The following ABCA13 variants were observed in gnomAD, a reference collection of about 807,000 sequenced individuals.
ABCA13 encodes ATP binding cassette subfamily A member 13.
A neutral mutation model predicts 478.7 loss-of-function variants in ABCA13; 476 were observed. That is an observed-to-expected ratio of 0.99 (90% CI 0.92 to 1.07). The LOEUF (loss-of-function observed/expected upper bound fraction) is 1.07. ABCA13 is among the 50% of genes least tolerant of loss of function. ABCA13 has a pLI of 0.00. For missense variants in ABCA13, 6,060 were observed against 5,910.6 expected (o/e 1.03, Z -0.83); for synonymous variants, 2,252 against 2,158.9 (o/e 1.04, Z -1.20).
rs529676212 is a variant in ABCA13, at chr7:48,513,525, C to T, written c.13640+2326C>T. 3.9e-5 allele frequency among the ~76,000 whole-genome samples: 6 copies of T among 152,146 alleles called. 1 individual carries two copies. In the South Asian group the frequency reaches 8.3e-4, roughly 21 times the overall value. On this transcript the variant is annotated intron_variant, in intron 51 of 61. Transcript: ENST00000435803. ...AAGAACATATTTGATGTATATTTAC[C>T]GCTAAAAGATGAGATTGCAGAATCC...
chr7:48,500,280 T>C (rs2130804670), intron 48 of ABCA13, among the ~76,000 whole-genome samples: 1 of 152,300 alleles, frequency 6.6e-6, no homozygotes, highest in Non-Finnish European at 1.5e-5. Flanking sequence ...AGGGGTATCA[T>C]GGGAAGGTGC....
intron 10 of ABCA13, chr7:48,243,006 C>T (rs1791088157): frequency 1.3e-5 from 2 of 152,414 alleles, no homozygotes; most frequent in East Asian, 1.9e-4. Flanking sequence ...TGGTTCCTGC[C>T]CACGTCCCTG....
intron 46 of ABCA13, 123 bp downstream of exon 46, chr7:48,481,277 T>G: frequency 1.3e-6 from 1 of 766,380 alleles, no homozygotes; most frequent in Non-Finnish European, 2.2e-6. Flanking sequence ...TCATAAAAAT[T>G]CCACAGTGTG....
chr7:48,221,528 G>A (rs1787362976), intron 5 of ABCA13, among the ~76,000 whole-genome samples: 1 of 152,250 alleles, frequency 6.6e-6, no homozygotes, highest in Admixed American at 6.5e-5. Flanking sequence ...GAAAAGCAGA[G>A]GTGAAACCTG....
At position 48,245,861 on chromosome 7, in the gene ABCA13, A is replaced by G; in HGVS notation, c.1492-2A>G. 6.2e-7 allele frequency: 1 copy of G among 1,610,048 alleles called. No individual in the cohort carries two copies. Among genetic ancestry groups the G allele is most frequent in the Non-Finnish European group, 8.5e-7 (1 of 1,177,968 alleles). On this transcript the variant is annotated splice_acceptor_variant, in intron 12 of 61. Coordinates refer to ENST00000435803, the MANE Select transcript of ABCA13 (RefSeq NM_152701.5). LOFTEE classifies it high-confidence loss of function. ...TCCTTCCCACTCTTATTAATCTTTT[A>G]GATGTTGGCGAAGAATGCTGTCTGC...
At position 48,244,204 on chromosome 7, in the gene ABCA13, T is replaced by G. The variant is rs565612490; in HGVS notation, c.1263-372T>G. ...GTCCTGTATACCATCACACACCATC[T>G]CTATATTTTGAAACTTTTCTCAAAA... On this transcript the variant is annotated intron_variant, in intron 10 of 61. Coordinates refer to ENST00000435803, the MANE Select transcript of ABCA13 (RefSeq NM_152701.5). Among the ~76,000 whole-genome samples, 234 of 152,346 alleles carry G rather than the reference T, an allele frequency of 1.5e-3. 2 individuals are homozygous for G. Among genetic ancestry groups the G allele is most frequent in the South Asian group, 0.01 (49 of 4,828 alleles).
intron 54 of ABCA13, among the ~76,000 whole-genome samples, chr7:48,527,018 G>C (rs552371562): frequency 5.9e-5 from 9 of 152,268 alleles, no homozygotes; most frequent in African/African-American, 1.7e-4. Flanking sequence ...AGAACTGAAA[G>C]GTGCATGAGT....
intron 41 of ABCA13, among the ~76,000 whole-genome samples, chr7:48,422,732 G>A (rs547282641): frequency 1.3e-5 from 2 of 152,330 alleles, no homozygotes; most frequent in East Asian, 3.9e-4. Flanking sequence ...TATCACTGAA[G>A]CCTGTAAGTG....
chr7:48,210,440 T>C (rs1042890591), intron 3 of ABCA13, among the ~76,000 whole-genome samples: 27 of 152,206 alleles, frequency 1.8e-4, no homozygotes, highest in Admixed American at 1.6e-3. Flanking sequence ...AAGTTTTTTT[T>C]CTTTTTTTAA....
intron 55 of ABCA13, among the ~76,000 whole-genome samples, chr7:48,571,398 A>C (rs1490288727): frequency 6.6e-6 from 1 of 152,014 alleles, no homozygotes; most frequent in African/African-American, 2.4e-5. Flanking sequence ...GTTTTTGTTG[A>C]GCTGTGAATA....
At chr7:48,640,152 A>G (rs1200038596) in intron 59 of ABCA13, among the ~76,000 whole-genome samples, 1 of 152,154 alleles carries the variant, frequency 6.6e-6, no homozygotes, top group Non-Finnish European at 1.5e-5. Flanking sequence ...TTCATTAAAT[A>G]TTATTTGTAG....
At chr7:48,619,291 C>T (rs531129864) in intron 59 of ABCA13, among the ~76,000 whole-genome samples, 15 of 151,602 alleles carry the variant, frequency 9.9e-5, no homozygotes, top group South Asian at 4.2e-4. Context: ...TCTCTGTGAC[C>T]GGTCTGTACC....
At chr7:48,603,303 G>T (rs1791106210) in intron 58 of ABCA13, among the ~76,000 whole-genome samples, 1 of 152,172 alleles carries the variant, frequency 6.6e-6, no homozygotes, top group African/African-American at 2.4e-5. Context: ...TCCTCATCTT[G>T]TGCTGGTTTT....
In ABCA13 at chr7:48,234,082, CAA is replaced by C; in HGVS notation, c.830_831del (p.Lys277IlefsTer6). On this transcript the variant is annotated frameshift_variant, in exon 8 of 62. Coordinates refer to ENST00000435803, the MANE Select transcript of ABCA13 (RefSeq NM_152701.5). LOFTEE classifies it high-confidence loss of function. ...ATCCACAGAAAGTCCAGTATGATCT[CAA>C]ATCCCAGTTTGGCTTTGATGATCTT... ...WDPQKVQYDLKSQFGFDDLHT... is the reference protein window; with the variant it reads ...WDPQKVQYDLXSQFGFDDLHT... The C allele has an allele frequency of 6.2e-7, 1 of 1,614,010 alleles. No homozygotes were observed. Among genetic ancestry groups the C allele is most frequent in the Non-Finnish European group, 8.5e-7 (1 of 1,179,892 alleles).
intron 40 of ABCA13, among the ~76,000 whole-genome samples, chr7:48,411,039 CTTTCTT>C (rs1819035268): frequency 1.0e-5 from 1 of 98,476 alleles, no homozygotes; most frequent in Non-Finnish European, 2.2e-5. Context: ...TTCTTTCTTT[CTTTCTT>C]TCTTTTTCTT....
Position 48,177,746 on chromosome 7 carries a change from G to T in ABCA13, c.69+6194G>T, listed in dbSNP as rs575977400. 2.0e-5 allele frequency among the ~76,000 whole-genome samples: 3 copies of T among 152,322 alleles called. No homozygotes were observed. In the East Asian group the frequency reaches 5.8e-4, roughly 29 times the overall value. ...TGATAACTCGAAGCTCCCACCAAGG[G>T]CTCTTTAATAAAATGTAGAGTAATT... On this transcript the variant is annotated intron_variant, in intron 1 of 61. Transcript: ENST00000435803.
Position 48,467,052 on chromosome 7 carries a change from GT to G in ABCA13, c.12905+8del. The G allele has an allele frequency of 6.2e-7, 1 of 1,613,700 alleles. No individual in the cohort carries two copies. The highest frequency in any genetic ancestry group is 8.5e-7 in the Non-Finnish European group (1 of 1,179,634). ...CAGATTTAAACCCACGCCAGTAAGT[GT>G]CAGGTGCTCTCTGCAAAAGTGAACA... On this transcript the variant is annotated splice_region_variant and intron_variant, in intron 44 of 61. Coordinates refer to ENST00000435803, the MANE Select transcript of ABCA13 (RefSeq NM_152701.5).
chr7:48,394,474 G>C (rs1181153349), intron 38 of ABCA13, among the ~76,000 whole-genome samples: 1 of 152,118 alleles, frequency 6.6e-6, no homozygotes, highest in East Asian at 1.9e-4. Context: ...TGAGCATTCT[G>C]TCCAGAACAA....
At chr7:48,258,611 T>C (rs748692198) in intron 15 of ABCA13, among the ~76,000 whole-genome samples, 5 of 152,166 alleles carry the variant, frequency 3.3e-5, no homozygotes, top group Non-Finnish European at 7.4e-5. Flanking sequence ...CTGAATTTGG[T>C]TATTTCTTGT....
Sources: gnomAD v4.1 joint callset for allele counts (sites outside exome capture counted in the v4.1 genomes callset) on GRCh38, gnomAD v4.1.1 for gene constraint, MANE v1.5 for transcripts, NCBI Gene and HGNC (gene_info 2026-07-23, HGNC 2026-07-21) for gene names.